The following PPP2R2B variants were observed in gnomAD, a reference collection of about 807,000 sequenced individuals.
PPP2R2B encodes the protein protein phosphatase 2 regulatory subunit Bbeta.
In PPP2R2B, 5 loss-of-function variants were observed where a neutral mutation model predicts 46.0. That is an observed-to-expected ratio of 0.11 (90% CI 0.06 to 0.23). The LOEUF (loss-of-function observed/expected upper bound fraction) is 0.23. Among genes scored for constraint, PPP2R2B ranks in the 10% least tolerant of loss-of-function variants. PPP2R2B has a pLI of 1.00. For missense variants in PPP2R2B, 367 were observed against 575.0 expected, an observed-to-expected ratio of 0.64 and a Z score of 3.70; for synonymous variants, 215 against 206.7, an observed-to-expected ratio of 1.04 and a Z score of -0.34.
At chr5:146,865,293 G>GACAC (rs36219835) in intron 2 of PPP2R2B, among the ~76,000 whole-genome samples, 2,811 of 145,988 alleles carry the variant, frequency 0.019, 26 homozygotes, top group Non-Finnish European at 0.019. Flanking sequence ...CTTTGTCTCT[G>GACAC]ACACACACAC....
upstream of PPP2R2B, among the ~76,000 whole-genome samples, chr5:146,881,636 C>T (rs954172031): frequency 1.3e-5 from 2 of 152,176 alleles, no homozygotes; most frequent in Non-Finnish European, 2.9e-5. Context: ...TGGTCTCAAA[C>T]TCCTGACCTC....
intron 2 of PPP2R2B, among the ~76,000 whole-genome samples, chr5:146,717,286 A>G (rs1407838629): frequency 6.6e-6 from 1 of 152,176 alleles, no homozygotes; most frequent in Non-Finnish European, 1.5e-5. Flanking sequence ...ACATTTCCAT[A>G]CCTCCAAGGA....
chr5:146,913,229 GT>G (rs1341147341), intron 1 of PPP2R2B, among the ~76,000 whole-genome samples: 1 of 152,186 alleles, frequency 6.6e-6, no homozygotes, highest in Non-Finnish European at 1.5e-5. Flanking sequence ...GTTTGTCCTT[GT>G]TATTATTATT....
intron 2 of PPP2R2B, among the ~76,000 whole-genome samples, chr5:146,792,003 A>G (rs1267536240): frequency 6.6e-6 from 1 of 152,144 alleles, no homozygotes; most frequent in Non-Finnish European, 1.5e-5. Flanking sequence ...AAACAGAGCT[A>G]ATGAGATGTT....
At chr5:146,677,534 TCCCTCC>T (rs1777819107) in intron 5 of PPP2R2B, among the ~76,000 whole-genome samples, 2 of 67,234 alleles carry the variant, frequency 3.0e-5, no homozygotes, top group East Asian at 8.4e-4. Context: ...CCTCCCTCCC[TCCCTCC>T]CTCCCTCCCT....
chr5:147,006,007 C>T (rs1432423130), intron 1 of PPP2R2B, among the ~76,000 whole-genome samples: 1 of 152,162 alleles, frequency 6.6e-6, no homozygotes, highest in African/African-American at 2.4e-5. Flanking sequence ...ACTGACAACC[C>T]ATAGCCTTCC....
At chr5:147,079,694 G>A (rs992109403) in intron 2 of PPP2R2B, among the ~76,000 whole-genome samples, 3 of 151,762 alleles carry the variant, frequency 2.0e-5, no homozygotes, top group African/African-American at 7.3e-5. Flanking sequence ...GCCTGGGAGG[G>A]TGGTAGGAAG....
At chr5:146,820,327 T>C (rs1462233422) in intron 2 of PPP2R2B, among the ~76,000 whole-genome samples, 1 of 152,182 alleles carries the variant, frequency 6.6e-6, no homozygotes, top group Non-Finnish European at 1.5e-5. Context: ...ACAATAATTT[T>C]GTGTCAATTA....
At chr5:147,020,902 C>T (rs1178351948) in intron 1 of PPP2R2B, among the ~76,000 whole-genome samples, 2 of 152,134 alleles carry the variant, frequency 1.3e-5, no homozygotes, top group East Asian at 3.9e-4. Context: ...AGTTCGAGAA[C>T]TGTATAACTA....
chr5:146,972,907 C>T (rs988517247), intron 1 of PPP2R2B, among the ~76,000 whole-genome samples: 2 of 152,052 alleles, frequency 1.3e-5, no homozygotes, highest in Non-Finnish European at 2.9e-5. Flanking sequence ...CTCTGTAATG[C>T]AAATTAAAAA....
intron 2 of PPP2R2B, among the ~76,000 whole-genome samples, chr5:146,865,491 G>T (rs925555055): frequency 1.3e-5 from 2 of 152,018 alleles, no homozygotes; most frequent in African/African-American, 4.8e-5. Flanking sequence ...TTCTTTAACA[G>T]GTTTCATATT....
At chr5:146,593,971 G>A (rs1195190555) in intron 8 of PPP2R2B, among the ~76,000 whole-genome samples, 1 of 152,192 alleles carries the variant, frequency 6.6e-6, no homozygotes, top group East Asian at 1.9e-4. Context: ...ATGGGGACTG[G>A]TCAGATTCTC....
chr5:146,868,600 C>G (rs1000099244), intron 2 of PPP2R2B, among the ~76,000 whole-genome samples: 2 of 152,250 alleles, frequency 1.3e-5, no homozygotes, highest in Admixed American at 6.5e-5. Flanking sequence ...ATTATGGTAG[C>G]AGGACTGGAA....
intron 2 of PPP2R2B, among the ~76,000 whole-genome samples, chr5:146,825,881 T>C (rs1164034099): frequency 1.3e-5 from 2 of 152,228 alleles, no homozygotes; most frequent in African/African-American, 4.8e-5. Flanking sequence ...TAAGATATTC[T>C]TGACAGAGCA....
chr5:146,635,048 C>T (rs548900044), intron 7 of PPP2R2B, among the ~76,000 whole-genome samples: 1 of 152,170 alleles, frequency 6.6e-6, no homozygotes, highest in East Asian at 1.9e-4. Context: ...TAACTGCTGC[C>T]GTCATTTATT....
intron 2 of PPP2R2B, among the ~76,000 whole-genome samples, chr5:146,829,420 A>T (rs1479809803): frequency 6.6e-6 from 1 of 152,216 alleles, no homozygotes; most frequent in Non-Finnish European, 1.5e-5. Context: ...AAATGATATT[A>T]AAAAATGGGT....
Position 146,908,994 on chromosome 5 carries a change from G to A in PPP2R2B, c.79+146671C>T, listed in dbSNP as rs62373311. ...GTTTTTCATCCTGGGTTTACTTTAA[G>A]ATCCTTCAGATCAGCTCCTGGAGGC... On this transcript the variant is annotated intron_variant, in intron 1 of 8. Coordinates refer to the PPP2R2B transcript ENST00000336640. Among the ~76,000 whole-genome samples, 1,174 of 152,218 alleles carry A rather than the reference G, an allele frequency of 7.7e-3. 10 individuals carry two copies. The highest frequency in any genetic ancestry group is 0.012 in the Non-Finnish European group (800 of 68,008).
In PPP2R2B at chr5:146,893,012, C is replaced by T. The variant is rs116218785; in HGVS notation, c.79+162653G>A. ...TGTCACCCCTTTCACAAACCCTATG[C>T]GCAGAAACAGTGGGCCATTTTCAGT... On this transcript the variant is annotated intron_variant, in intron 1 of 8. Coordinates refer to the PPP2R2B transcript ENST00000336640. Among the ~76,000 whole-genome samples, 992 of 151,770 alleles carry T rather than the reference C, an allele frequency of 6.5e-3. 10 individuals are homozygous for T. Among genetic ancestry groups the T allele is most frequent in the African/African-American group, 0.023 (945 of 41,128 alleles).
rs939982485 is a variant in PPP2R2B, at chr5:146,834,629, GT to G, written c.70+43372del. ...TATGAAAGTTCAGAGTCCTTGGATT[GT>G]GTTTTGTTGTTTTTTTCTTTAAGTT... is the stretch of plus-strand genomic sequence containing the variant. On this transcript the variant is annotated intron_variant, in intron 2 of 9. Coordinates refer to ENST00000394411, the MANE Select transcript of PPP2R2B (RefSeq NM_181675.4). Among the ~76,000 whole-genome samples, 12 of 152,098 alleles carry G rather than the reference GT, an allele frequency of 7.9e-5. 1 individual carries two copies. Among genetic ancestry groups the G allele is most frequent in the African/African-American group, 2.4e-4 (10 of 41,404 alleles).
Sources: gnomAD v4.1 joint callset for allele counts (sites outside exome capture counted in the v4.1 genomes callset) on GRCh38, gnomAD v4.1.1 for gene constraint, MANE v1.5 for transcripts, NCBI Gene and HGNC (gene_info 2026-07-23, HGNC 2026-07-21) for gene names.